Variants in MAP3K15 observed in about 807,000 individuals in gnomAD.
MAP3K15 encodes MAPK/ERK kinase kinase 15.
In MAP3K15, 124 loss-of-function variants were observed where a neutral mutation model predicts 99.5. That is an observed-to-expected ratio of 1.25 (90% CI 1.08 to 1.45). The LOEUF (loss-of-function observed/expected upper bound fraction) is 1.45. Ranked by LOEUF, MAP3K15 falls within the 40% of genes most tolerant of loss-of-function variation. The pLI, the probability that MAP3K15 is intolerant of heterozygous loss-of-function variation, is 0.00. For missense variants in MAP3K15, 1,242 were observed against 1,079.7 expected (o/e 1.15, Z -2.11); for synonymous variants, 494 against 439.6 (o/e 1.12, Z -1.55).
At chrX:19,424,258 A>G (rs2063811358) in intron 9 of MAP3K15, among the ~76,000 whole-genome samples, 1 of 106,860 alleles carries the variant, frequency 9.4e-6, no homozygotes, top group Non-Finnish European at 1.9e-5. Context: ...ATATATACAC[A>G]TATATATACA....
chrX:19,466,115 G>A (rs2064167441), intron 3 of MAP3K15, among the ~76,000 whole-genome samples: 1 of 110,559 alleles, frequency 9.0e-6, no homozygotes, highest in Admixed American at 9.7e-5. Flanking sequence ...CACTGCACCT[G>A]GCCTTGTAAT....
At chrX:19,501,871 G>T (rs1177405522) in intron 1 of MAP3K15, among the ~76,000 whole-genome samples, 1 of 111,498 alleles carries the variant, frequency 9.0e-6, no homozygotes, top group Non-Finnish European at 1.9e-5. Context: ...TTCTAGACCA[G>T]CCTGGCCAAC....
In MAP3K15 at chrX:19,426,818, C is replaced by CAAAAAA. The variant is rs746106862; in HGVS notation, c.1167-481_1167-476dup. Among the ~76,000 whole-genome samples, 17 of 21,149 alleles carry CAAAAAA rather than the reference C, an allele frequency of 8.0e-4. 3 individuals carry two copies. The highest frequency in any genetic ancestry group is 3.5e-3 in the African/African-American group (17 of 4,829). The allele number at this position is 21,149 out of a possible 115,157, so 18.4% of individuals were successfully genotyped here. A position where few individuals can be genotyped will look rare whatever the true frequency, so the allele number is the denominator to read the frequency against. On this transcript the variant is annotated intron_variant, in intron 7 of 28. Coordinates refer to ENST00000338883, the MANE Select transcript of MAP3K15 (RefSeq NM_001001671.4). ...GGGTGACAGAGCGAGAATCTGTCTC[C>CAAAAAA]AAAAAAAAAAAAAAAAAAAAAAAAA...
intron 17 of MAP3K15, 55 bp downstream of exon 17, chrX:19,392,288 C>T: frequency 1.7e-6 from 2 of 1,162,112 alleles, no homozygotes; most frequent in Non-Finnish European, 2.3e-6. Flanking sequence ...CCATCGACAG[C>T]TCTCATGATC....
At chrX:19,475,648 T>C (rs1172129635) in intron 3 of MAP3K15, among the ~76,000 whole-genome samples, 1 of 110,953 alleles carries the variant, frequency 9.0e-6, no homozygotes, top group Non-Finnish European at 1.9e-5. Context: ...GCAAACAGCT[T>C]CCTAGATTCT....
intron 25 of MAP3K15, among the ~76,000 whole-genome samples, chrX:19,364,780 T>C (rs1266657410): frequency 1.9e-5 from 2 of 105,887 alleles, no homozygotes; most frequent in African/African-American, 7.1e-5. Flanking sequence ...GTAATCCGAG[T>C]TACTTGGGAG....
rs188628002 is a variant in MAP3K15, at chrX:19,425,238, A to G, written c.1439+293T>C. On this transcript the variant is annotated intron_variant, in intron 9 of 28. Transcript: ENST00000338883. The stretch of plus-strand genomic sequence containing the variant: ...TTATTATATGCTTTCTCACAAATGC[A>G]TAATACATACTAGTAGCCAAGAGTG... Among the ~76,000 whole-genome samples the G allele has an allele frequency of 2.2e-3, 245 of 111,799 alleles. 1 individual carries two copies. The highest frequency in any genetic ancestry group is 2.5e-3 in the Non-Finnish European group (133 of 53,212).
At chrX:19,462,877 AGG>A (rs1350641626) in intron 4 of MAP3K15, among the ~76,000 whole-genome samples, 2 of 112,410 alleles carry the variant, frequency 1.8e-5, no homozygotes, top group African/African-American at 6.5e-5. Flanking sequence ...GCCAGTTCAG[AGG>A]GTGGAATCCA....
intron 2 of MAP3K15, among the ~76,000 whole-genome samples, chrX:19,486,782 A>C (rs1164630672): frequency 9.0e-6 from 1 of 111,594 alleles, no homozygotes; most frequent in Non-Finnish European, 1.9e-5. Context: ...GGATTTCCCC[A>C]GAACAGGGCC....
At chrX:19,365,232 C>G (rs755303116) in intron 25 of MAP3K15, among the ~76,000 whole-genome samples, 1 of 109,950 alleles carries the variant, frequency 9.1e-6, no homozygotes, top group South Asian at 3.9e-4. Flanking sequence ...AAAAGTTCTT[C>G]GACCTACTTT....
At position 19,374,424 on chromosome X, in the gene MAP3K15, GC is replaced by G. The variant is rs1409903841; in HGVS notation, c.2773+52del. 3.6e-6 allele frequency: 4 copies of G among 1,116,633 alleles called. No homozygotes were observed. The East Asian group carries it at 1.2e-4, about 34-fold the overall frequency. 92.0% of individuals were successfully genotyped at this position (1,116,633 alleles called of 1,213,427 possible). On this transcript the variant is annotated intron_variant, in intron 20 of 28. Coordinates refer to ENST00000338883, the MANE Select transcript of MAP3K15 (RefSeq NM_001001671.4). ...CTCCTGAGCAGCAGAGAAGCCCAGC[GC>G]CCAGCATTCTTGTGGCCAGGGTGCT...
At chrX:19,412,391 G>A (rs146877041) in intron 11 of MAP3K15, among the ~76,000 whole-genome samples, 504 of 112,341 alleles carry the variant, frequency 4.5e-3, no homozygotes, top group South Asian at 9.3e-3. Context: ...CATGATACAG[G>A]CAATTGGTAG....
chrX:19,460,131 A>G lies in MAP3K15; in HGVS notation c.742T>C (p.Leu248=). 1 of 1,191,603 alleles carries G rather than the reference A, an allele frequency of 8.4e-7. No homozygotes were observed. Among genetic ancestry groups the G allele is most frequent in the Non-Finnish European group, 1.1e-6 (1 of 891,473 alleles). The change falls in exon 5 of 29, where the codon TTA becomes CTA. Residue 248 remains leucine, a synonymous_variant. Coordinates refer to ENST00000338883, the MANE Select transcript of MAP3K15 (RefSeq NM_001001671.4). The part of the protein sequence containing the change: ...TSCVYYKETL[L]NDIRKAREKY... ...TCTCTGGCTTTCCGGATGTCATTTA[A>G]CAAGGTTTCTTTGTAATAAACACTA...
At chrX:19,465,830 G>GGGGT (rs1555961308) in intron 3 of MAP3K15, among the ~76,000 whole-genome samples, 11 of 94,009 alleles carry the variant, frequency 1.2e-4, no homozygotes, top group Admixed American at 3.6e-4. Flanking sequence ...GGTGTGTAGG[G>GGGGT]GTGTGTGTGT....
At chrX:19,480,678 T>C (rs1438229800) in intron 3 of MAP3K15, among the ~76,000 whole-genome samples, 1 of 93,952 alleles carries the variant, frequency 1.1e-5, no homozygotes, top group Non-Finnish European at 2.0e-5. Flanking sequence ...AAAAAAAAAT[T>C]AGCCGTGCGT....
intron 13 of MAP3K15, among the ~76,000 whole-genome samples, chrX:19,403,321 AG>A (rs1260251362): frequency 9.0e-6 from 1 of 111,559 alleles, no homozygotes; most frequent in Non-Finnish European, 1.9e-5. Flanking sequence ...TAGTAGTAAA[AG>A]GATGTTCTGC....
intron 6 of MAP3K15, among the ~76,000 whole-genome samples, chrX:19,445,580 AC>A (rs1569227480): frequency 4.4e-5 from 4 of 90,496 alleles, no homozygotes; most frequent in African/African-American, 1.8e-4. Context: ...ACAGAGTGAG[AC>A]TCTGTCTCAA....
intron 9 of MAP3K15, among the ~76,000 whole-genome samples, chrX:19,417,442 T>C (rs1249874731): frequency 2.7e-5 from 3 of 111,941 alleles, no homozygotes; most frequent in African/African-American, 9.7e-5. Flanking sequence ...GCCTCACTCA[T>C]TGCTAGCACA....
chrX:19,489,322 GC>G (rs1346011741), intron 1 of MAP3K15, among the ~76,000 whole-genome samples: 1 of 111,275 alleles, frequency 9.0e-6, no homozygotes, highest in East Asian at 2.8e-4. Flanking sequence ...CTTCTGTGCA[GC>G]CCAAGTCAGA....
Sources: gnomAD v4.1 joint callset for allele counts (sites outside exome capture counted in the v4.1 genomes callset) on GRCh38, gnomAD v4.1.1 for gene constraint, MANE v1.5 for transcripts, NCBI Gene and HGNC (gene_info 2026-07-23, HGNC 2026-07-21) for gene names.